Variants in PTPRD observed in about 807,000 individuals in gnomAD.
The protein encoded by PTPRD is receptor-type tyrosine-protein phosphatase delta.
A neutral mutation model predicts 214.5 loss-of-function variants in PTPRD; 34 were observed. The ratio of observed to expected loss-of-function variants is 0.16; its 90% confidence interval spans 0.12 to 0.21. The LOEUF (loss-of-function observed/expected upper bound fraction) is 0.21. PTPRD is among the 10% of genes least tolerant of loss of function. The pLI is 1.00. For missense variants in PTPRD, 2,545 were observed against 2,398.7 expected, an observed-to-expected ratio of 1.06 and a Z score of -1.27; for synonymous variants, 1,128 against 845.7, an observed-to-expected ratio of 1.33 and a Z score of -5.79.
At chr9:9,324,763 G>A (rs1484540334) in intron 9 of PTPRD, among the ~76,000 whole-genome samples, 1 of 152,176 alleles carries the variant, frequency 6.6e-6, no homozygotes, top group Admixed American at 6.6e-5. Context: ...TGAAGTCCTT[G>A]CCCATGCCTA....
intron 9 of PTPRD, among the ~76,000 whole-genome samples, chr9:9,245,374 T>G (rs938904140): frequency 1.3e-5 from 2 of 152,174 alleles, no homozygotes; most frequent in East Asian, 1.9e-4. Flanking sequence ...CAACCCAAAT[T>G]TCCAACAATG....
At chr9:9,981,202 G>A (rs1460684147) in intron 4 of PTPRD, among the ~76,000 whole-genome samples, 3 of 152,072 alleles carry the variant, frequency 2.0e-5, no homozygotes, top group Admixed American at 6.6e-5. Flanking sequence ...TGGAAAAATC[G>A]GCAGCAGGTA....
intron 35 of PTPRD, among the ~76,000 whole-genome samples, chr9:8,413,526 T>TA (rs959246530): frequency 6.6e-6 from 1 of 152,116 alleles, no homozygotes; most frequent in Non-Finnish European, 1.5e-5. Context: ...ACTATCTCAC[T>TA]AAAAAACATG....
At chr9:10,423,474 T>C (rs1393941160) in intron 2 of PTPRD, among the ~76,000 whole-genome samples, 2 of 151,846 alleles carry the variant, frequency 1.3e-5, no homozygotes, top group African/African-American at 2.4e-5. Flanking sequence ...GGAAGATTAA[T>C]ACAACTCAGT....
intron 2 of PTPRD, among the ~76,000 whole-genome samples, chr9:10,465,548 G>T (rs552688525): frequency 1.9e-4 from 29 of 151,974 alleles, no homozygotes; most frequent in African/African-American, 7.0e-4. Context: ...AGATTATACC[G>T]GAACTGAAAA....
intron 7 of PTPRD, among the ~76,000 whole-genome samples, chr9:9,709,932 C>T (rs749165622): frequency 8.6e-5 from 13 of 151,950 alleles, no homozygotes; most frequent in South Asian, 2.1e-4. Flanking sequence ...GCATTGTACA[C>T]GCATTTATGT....
chr9:9,089,008 GT>G (rs2099771691), intron 10 of PTPRD, among the ~76,000 whole-genome samples: 1 of 152,114 alleles, frequency 6.6e-6, no homozygotes. Context: ...GAACACAAGG[GT>G]TTTTCACTCA....
At chr9:8,475,637 C>T (rs1405932508) in intron 30 of PTPRD, among the ~76,000 whole-genome samples, 2 of 152,270 alleles carry the variant, frequency 1.3e-5, no homozygotes, top group African/African-American at 4.8e-5. Context: ...AATAATATGC[C>T]TTTCAAAATA....
At chr9:9,239,853 G>T (rs1307910794) in intron 9 of PTPRD, among the ~76,000 whole-genome samples, 4 of 152,122 alleles carry the variant, frequency 2.6e-5, no homozygotes, top group Non-Finnish European at 4.4e-5. Flanking sequence ...TGGTATGTGG[G>T]TCAAAGATCC....
At chr9:9,484,383 G>A (rs1000929616) in intron 8 of PTPRD, among the ~76,000 whole-genome samples, 1 of 152,020 alleles carries the variant, frequency 6.6e-6, no homozygotes, top group Non-Finnish European at 1.5e-5. Context: ...GTTAGTTCAG[G>A]AAAAGGGAAT....
intron 8 of PTPRD, among the ~76,000 whole-genome samples, chr9:9,569,816 C>T (rs995023636): frequency 3.3e-5 from 5 of 151,330 alleles, no homozygotes; most frequent in Non-Finnish European, 7.4e-5. Context: ...AGGGGATTCA[C>T]AGATGGATAA....
intron 3 of PTPRD, among the ~76,000 whole-genome samples, chr9:10,049,181 A>G (rs2097470662): frequency 6.6e-6 from 1 of 152,166 alleles, no homozygotes; most frequent in South Asian, 2.1e-4. Context: ...GTTTGCGGAA[A>G]AAGGAGGCAT....
At chr9:9,912,517 C>T (rs757672179) in intron 5 of PTPRD, among the ~76,000 whole-genome samples, 1 of 152,138 alleles carries the variant, frequency 6.6e-6, no homozygotes, top group African/African-American at 2.4e-5. Flanking sequence ...CTCAATAGCA[C>T]ATGTTTTGCC....
chr9:8,527,500 C>A (rs1013691940), intron 15 of PTPRD, 147 bp from the exon 16 acceptor site: 5 of 751,230 alleles, frequency 6.7e-6, no homozygotes, highest in Non-Finnish European at 4.3e-6. Context: ...TTTACAATAA[C>A]AGAATGCTAA....
intron 5 of PTPRD, among the ~76,000 whole-genome samples, chr9:9,772,557 G>T (rs920769519): frequency 1.4e-4 from 20 of 148,000 alleles, no homozygotes; most frequent in African/African-American, 4.7e-4. Context: ...GTGGACACAA[G>T]CTTCTCTTTC....
chr9:9,325,862 G>A (rs1969813552), intron 9 of PTPRD, among the ~76,000 whole-genome samples: 1 of 152,144 alleles, frequency 6.6e-6, no homozygotes, highest in Admixed American at 6.6e-5. Flanking sequence ...TTTGAGATAT[G>A]TTCCATCAAT....
At chr9:9,795,517 G>C (rs567074884) in intron 5 of PTPRD, among the ~76,000 whole-genome samples, 1 of 152,200 alleles carries the variant, frequency 6.6e-6, no homozygotes, top group South Asian at 2.1e-4. Flanking sequence ...AACAAATAAA[G>C]TATAAGCATA....
intron 35 of PTPRD, among the ~76,000 whole-genome samples, chr9:8,429,794 G>C (rs778500712): frequency 6.6e-6 from 1 of 152,170 alleles, no homozygotes; most frequent in African/African-American, 2.4e-5. Flanking sequence ...TTTGTGATGA[G>C]AACAAAACAG....
chr9:9,257,530 G>C (rs929263212), intron 9 of PTPRD, among the ~76,000 whole-genome samples: 1 of 151,984 alleles, frequency 6.6e-6, no homozygotes, highest in Non-Finnish European at 1.5e-5. Flanking sequence ...GGGGGCTCAT[G>C]TCTATGATTC....
Sources: gnomAD v4.1 joint callset for allele counts (sites outside exome capture counted in the v4.1 genomes callset) on GRCh38, gnomAD v4.1.1 for gene constraint, MANE v1.5 for transcripts, NCBI Gene and HGNC (gene_info 2026-07-23, HGNC 2026-07-21) for gene names.